The following PGM2L1 variants were observed in gnomAD, a reference collection of about 807,000 sequenced individuals.
PGM2L1 encodes the protein phosphoglucomutase 2 like 1, also known as glucose 1,6-bisphosphate synthase.
Under a neutral mutation model 73.4 loss-of-function variants are expected in PGM2L1, and 35 were observed. That is an observed-to-expected ratio of 0.48 (90% CI 0.36 to 0.63). The LOEUF is 0.63. Ranked by LOEUF, PGM2L1 falls within the 30% of genes least tolerant of loss-of-function variation. The pLI is 0.00. For missense variants in PGM2L1, 570 were observed against 742.0 expected (o/e 0.77, Z 2.69); for synonymous variants, 225 against 253.8 (o/e 0.89, Z 1.08).
intron 5 of PGM2L1, among the ~76,000 whole-genome samples, chr11:74,352,250 A>C (rs1862369353): frequency 6.6e-6 from 1 of 152,142 alleles, no homozygotes. Flanking sequence ...TACTAAAGAT[A>C]ATCCAAGAAA....
intron 5 of PGM2L1, chr11:74,355,129 T>G (rs1862422913): frequency 7.5e-7 from 1 of 1,338,724 alleles, no homozygotes; most frequent in African/African-American, 1.4e-5. Flanking sequence ...TGTGGTGGCT[T>G]TGGTGGCAGC....
intron 4 of PGM2L1, 91 bp downstream of exon 4, chr11:74,370,811 C>T (rs1335975501): frequency 1.7e-6 from 2 of 1,176,358 alleles, no homozygotes; most frequent in Non-Finnish European, 2.5e-6. Context: ...CAATACAGAA[C>T]TACATGCACA....
intron 1 of PGM2L1, among the ~76,000 whole-genome samples, chr11:74,386,913 G>A (rs1331814050): frequency 6.6e-6 from 1 of 152,226 alleles, no homozygotes; most frequent in Non-Finnish European, 1.5e-5. Context: ...TGGAATCAGA[G>A]AGGTGGGCAT....
chr11:74,336,426 T>C lies in PGM2L1; in HGVS notation c.*226A>G. 3.1e-6 allele frequency: 1 copy of C among 324,106 alleles called. No individual in the cohort carries two copies. The highest frequency in any genetic ancestry group is 5.6e-6 in the Non-Finnish European group (1 of 177,792). 20.1% of individuals were successfully genotyped at this position (324,106 alleles called of 1,614,324 possible). A position where few individuals can be genotyped will look rare whatever the true frequency, so the allele number is the denominator to read the frequency against. The stretch of plus-strand genomic sequence containing the variant: ...TATAATACTTTTAGTGTAATAACTT[T>C]TGTTTGAATTATGAAAAAATTTGAA... On this transcript the variant is annotated 3_prime_UTR_variant, in exon 14 of 14. Coordinates refer to ENST00000298198, the MANE Select transcript of PGM2L1 (RefSeq NM_173582.6).
At chr11:74,364,048 G>T (rs559758030) in intron 5 of PGM2L1, among the ~76,000 whole-genome samples, 79 of 152,166 alleles carry the variant, frequency 5.2e-4, no homozygotes, top group Non-Finnish European at 9.7e-4. Context: ...TGGGATGTAA[G>T]GCTGGTTCGA....
chr11:74,367,367 C>G (rs1862676895), intron 5 of PGM2L1, among the ~76,000 whole-genome samples: 1 of 152,034 alleles, frequency 6.6e-6, no homozygotes, highest in African/African-American at 2.4e-5. Flanking sequence ...TCTTTTATCT[C>G]TTTGGTTTTT....
intron 1 of PGM2L1, among the ~76,000 whole-genome samples, chr11:74,390,013 G>A (rs368566345): frequency 5.1e-4 from 73 of 142,570 alleles, no homozygotes; most frequent in African/African-American, 1.8e-3. Flanking sequence ...CAGCTACTCG[G>A]GAGGCTGAGG....
intron 1 of PGM2L1, among the ~76,000 whole-genome samples, chr11:74,389,968 A>AAAAAAAT (rs1863072163): frequency 3.6e-5 from 5 of 137,124 alleles, no homozygotes; most frequent in Admixed American, 2.9e-4. Flanking sequence ...AAAAAAAAAA[A>AAAAAAAT]ATTAGCCAGG....
rs1862828111 is a variant in PGM2L1, at chr11:74,374,523, C to T, written c.171G>A (p.Leu57=). Residue 57 remains leucine, a synonymous_variant, in exon 2 of 14, where the codon CTG becomes CTA. Transcript: ENST00000298198. ...TCATTCGGCAACAAAGACGATCTCG[C>T]AGCTCCTTGTTCATCCCATTCCGTA... ...NLLRNGMNKE[L]RDRLCCRMTF... 3 of 1,614,178 alleles carry T rather than the reference C, an allele frequency of 1.9e-6. No homozygotes were observed. Among genetic ancestry groups the T allele is most frequent in the East Asian group, 2.2e-5 (1 of 44,886 alleles).
At chr11:74,342,712 T>G in intron 11 of PGM2L1, 62 bp from the exon 12 acceptor site, 2 of 1,414,410 alleles carry the variant, frequency 1.4e-6, no homozygotes, top group Non-Finnish European at 1.9e-6. Flanking sequence ...AAGCATATAT[T>G]AAGGAAGATC....
At chr11:74,390,876 C>A (rs965629655) in intron 1 of PGM2L1, among the ~76,000 whole-genome samples, 6 of 152,032 alleles carry the variant, frequency 3.9e-5, no homozygotes, top group African/African-American at 1.5e-4. Context: ...TTGTATGATG[C>A]CACTTATATG....
At position 74,390,829 on chromosome 11, in the gene PGM2L1, T is replaced by C. The variant is rs1244515592; in HGVS notation, c.111+7222A>G. 2.6e-5 allele frequency among the ~76,000 whole-genome samples: 4 copies of C among 152,332 alleles called. No homozygotes were observed. In the South Asian group the frequency reaches 8.3e-4, roughly 32 times the overall value. On this transcript the variant is annotated intron_variant, in intron 1 of 13. Coordinates refer to ENST00000298198, the MANE Select transcript of PGM2L1 (RefSeq NM_173582.6). ...ACATGGATGAACTATGAAGACATTA[T>C]GCTAAGTGAAATAAGCTAGTCATAG... is the stretch of plus-strand genomic sequence containing the variant.
chr11:74,358,153 CAT>C (rs1446018190), intron 5 of PGM2L1, among the ~76,000 whole-genome samples: 1 of 152,146 alleles, frequency 6.6e-6, no homozygotes, highest in Non-Finnish European at 1.5e-5. Flanking sequence ...TGAACCCTAA[CAT>C]AAACTATGGG....
At chr11:74,354,656 T>C (rs1462078032) in intron 5 of PGM2L1, 9 of 1,135,850 alleles carry the variant, frequency 7.9e-6, no homozygotes, top group Middle Eastern at 2.8e-4. Context: ...GATGCAGCCA[T>C]GAATGCAGGG....
At chr11:74,378,825 A>AGGTT (rs2134939769) in intron 1 of PGM2L1, among the ~76,000 whole-genome samples, 1 of 152,324 alleles carries the variant, frequency 6.6e-6, no homozygotes, top group South Asian at 2.1e-4. Flanking sequence ...GATGTGCAGA[A>AGGTT]GGTTACACAC....
In PGM2L1 at chr11:74,335,105, T is replaced by C. The variant is rs1323591941; in HGVS notation, c.*1547A>G. ...TCTCTATTAAACCTTTTCAGAAGACTGCATGATTAGCCAAAAGTGACTTTT... is the reference window on the plus strand; with the variant it reads ...TCTCTATTAAACCTTTTCAGAAGACCGCATGATTAGCCAAAAGTGACTTTT... On this transcript the variant is annotated 3_prime_UTR_variant, in exon 14 of 14. Transcript: ENST00000298198. 1.3e-5 allele frequency: 2 copies of C among 151,624 alleles called. No homozygotes were observed. The highest frequency in any genetic ancestry group is 4.9e-5 in the African/African-American group (2 of 41,228). 9.4% of individuals were successfully genotyped at this position (151,624 alleles called of 1,614,324 possible).
At chr11:74,394,491 C>A (rs1379676303) in intron 1 of PGM2L1, among the ~76,000 whole-genome samples, 2 of 152,076 alleles carry the variant, frequency 1.3e-5, no homozygotes, top group African/African-American at 4.8e-5. Flanking sequence ...CCCAAACTGC[C>A]CCAATAAACA....
chr11:74,379,931 A>G (rs950818055), intron 1 of PGM2L1, among the ~76,000 whole-genome samples: 20 of 152,190 alleles, frequency 1.3e-4, no homozygotes, highest in African/African-American at 4.6e-4. Context: ...TGTCTAAAAA[A>G]AAATCCCAAA....
intron 1 of PGM2L1, among the ~76,000 whole-genome samples, chr11:74,377,643 G>C (rs1373327548): frequency 6.6e-6 from 1 of 152,092 alleles, no homozygotes; most frequent in East Asian, 1.9e-4. Flanking sequence ...AAGTAGAAAA[G>C]TGACTTATTT....
Sources: gnomAD v4.1 joint callset for allele counts (sites outside exome capture counted in the v4.1 genomes callset) on GRCh38, gnomAD v4.1.1 for gene constraint, MANE v1.5 for transcripts, NCBI Gene and HGNC (gene_info 2026-07-23, HGNC 2026-07-21) for gene names.